CCDC7: variants seen among roughly 807,000 people sequenced by gnomAD.
The protein encoded by CCDC7 is coiled-coil domain-containing protein 7.
CCDC7 carries 183 observed loss-of-function variants against 196.9 expected under a neutral mutation model. That is an observed-to-expected ratio of 0.93 (90% CI 0.82 to 1.05). The LOEUF (loss-of-function observed/expected upper bound fraction) is 1.05. Ranked by LOEUF, CCDC7 falls within the 50% of genes least tolerant of loss-of-function variation. The probability of loss-of-function intolerance (pLI) is 0.00; values close to 1 mark genes in which losing one functional copy is unlikely to be tolerated. For missense variants in CCDC7, 1,540 were observed against 1,482.2 expected, an observed-to-expected ratio of 1.04 and a Z score of -0.64; for synonymous variants, 525 against 484.6, an observed-to-expected ratio of 1.08 and a Z score of -1.10.
chr10:32,729,092 T>G, intron 27 of CCDC7, 95 bp downstream of exon 28: 1 of 922,476 alleles, frequency 1.1e-6, no homozygotes, highest in Admixed American at 2.9e-5. Context: ...CAGACTATAT[T>G]TCATCAACTT....
intron 21 of CCDC7, among the ~76,000 whole-genome samples, chr10:32,671,653 T>C (rs2074080005): frequency 6.6e-6 from 1 of 152,178 alleles, no homozygotes; most frequent in South Asian, 2.1e-4. Context: ...TTTTTCATGT[T>C]TCTTGTTGCT....
chr10:32,492,114 A>G, intron 9 of CCDC7, 117 bp downstream of exon 10: 1 of 984,184 alleles, frequency 1.0e-6, no homozygotes, highest in South Asian at 3.4e-5. Context: ...TGTTTATTGC[A>G]GAAATATTGA....
At chr10:32,706,583 AAAG>A (rs2079802106) in intron 24 of CCDC7, among the ~76,000 whole-genome samples, 1 of 151,778 alleles carries the variant, frequency 6.6e-6, no homozygotes, top group African/African-American at 2.4e-5. Context: ...CAAGACTAAT[AAAG>A]AAGAAAAGAG....
chr10:32,708,728 C>T (rs570668980), intron 24 of CCDC7, among the ~76,000 whole-genome samples: 19 of 152,354 alleles, frequency 1.2e-4, no homozygotes, highest in Middle Eastern at 3.4e-3. Flanking sequence ...AAATGCTCAT[C>T]ATCACTGGCC....
intron 18 of CCDC7, among the ~76,000 whole-genome samples, chr10:32,624,413 G>C (rs890479713): frequency 1.3e-5 from 2 of 152,140 alleles, no homozygotes; most frequent in Non-Finnish European, 2.9e-5. Flanking sequence ...CTACCAAATG[G>C]CATGCTGTTT....
Position 32,726,725 on chromosome 10 carries a change from A to T in CCDC7, c.2570-9A>T. On this transcript the variant is annotated splice_polypyrimidine_tract_variant and intron_variant, in intron 25 of 41. Coordinates refer to ENST00000639629, the Ensembl canonical transcript of CCDC7. ...CTAAATGTATCTCTTTATGTGGTTC[A>T]TTTTGTAGTACCAGATAAAAATTCT... 6.6e-7 allele frequency: 1 copy of T among 1,507,560 alleles called. No individual in the cohort carries two copies. The highest frequency in any genetic ancestry group is 9.2e-7 in the Non-Finnish European group (1 of 1,089,226). 93.4% of individuals were successfully genotyped at this position (1,507,560 alleles called of 1,614,324 possible). A position where few individuals can be genotyped will look rare whatever the true frequency, so the allele number is the denominator to read the frequency against.
chr10:32,726,966 A>G (rs2083221431), intron 26 of CCDC7, 134 bp downstream of exon 27: 3 of 553,292 alleles, frequency 5.4e-6, no homozygotes, highest in Non-Finnish European at 3.1e-6. Context: ...TGAAGTCTTA[A>G]GATAAGTAGA....
intron 14 of CCDC7, 104 bp downstream of exon 15, chr10:32,565,724 A>G: frequency 1.6e-6 from 2 of 1,230,252 alleles, no homozygotes; most frequent in Non-Finnish European, 2.2e-6. Flanking sequence ...AGAGGTCTAC[A>G]TATTCTACTA....
chr10:32,596,963 T>A (rs2138128262), intron 18 of CCDC7, among the ~76,000 whole-genome samples: 1 of 152,310 alleles, frequency 6.6e-6, no homozygotes, highest in East Asian at 1.9e-4. Flanking sequence ...CATTTTTTTG[T>A]TTTTCATTTC....
At chr10:32,598,369 G>T (rs1452425976) in intron 18 of CCDC7, among the ~76,000 whole-genome samples, 1 of 152,180 alleles carries the variant, frequency 6.6e-6, no homozygotes, top group African/African-American at 2.4e-5. Flanking sequence ...CAGTATCAGG[G>T]TGGGAGTGTC....
chr10:32,788,956 G>A lies in CCDC7; in HGVS notation c.3013+9872G>A, dbSNP rs191808548. Among the ~76,000 whole-genome samples, 5 of 152,262 alleles carry A rather than the reference G, an allele frequency of 3.3e-5. No individual in the cohort carries two copies. In the South Asian group the frequency reaches 6.2e-4, roughly 19 times the overall value. The stretch of plus-strand genomic sequence containing the variant: ...TGGACCCAGGCTCTAGGCCCAACCT[G>A]GTAGACTCAGGCACCAGACCCACCT... On this transcript the variant is annotated intron_variant, in intron 29 of 41. Coordinates refer to ENST00000639629, the Ensembl canonical transcript of CCDC7.
intron 24 of CCDC7, among the ~76,000 whole-genome samples, chr10:32,709,473 AAAAT>A (rs1032429576): frequency 2.1e-4 from 32 of 152,266 alleles, no homozygotes; most frequent in South Asian, 1.0e-3. Context: ...GTATAATAAA[AAAAT>A]AAATAAATAA....
At chr10:32,870,555 G>C (rs2094391378) in intron 41 of CCDC7, among the ~76,000 whole-genome samples, 1 of 152,144 alleles carries the variant, frequency 6.6e-6, no homozygotes, top group Non-Finnish European at 1.5e-5. Flanking sequence ...CGGACAATTT[G>C]ACTTCCTCTT....
intron 24 of CCDC7, among the ~76,000 whole-genome samples, chr10:32,711,047 C>T (rs118165631): frequency 0.039 from 5,859 of 151,952 alleles, 116 homozygotes; most frequent in Non-Finnish European, 0.05. Flanking sequence ...TATCATAAAC[C>T]ATATATATTC....
At chr10:32,472,046 T>C (rs2038064105) in intron 6 of CCDC7, among the ~76,000 whole-genome samples, 2 of 152,164 alleles carry the variant, frequency 1.3e-5, no homozygotes, top group Non-Finnish European at 2.9e-5. Flanking sequence ...CTGAAGCCAA[T>C]AGAGGTTAAG....
chr10:32,721,517 G>C (rs1352808354), intron 25 of CCDC7, among the ~76,000 whole-genome samples: 2 of 152,088 alleles, frequency 1.3e-5, no homozygotes, highest in African/African-American at 4.8e-5. Context: ...CAGCCTTACT[G>C]GTAACATAAT....
At chr10:32,698,146 A>T (rs1421140748) in intron 24 of CCDC7, among the ~76,000 whole-genome samples, 1 of 152,140 alleles carries the variant, frequency 6.6e-6, no homozygotes, top group Non-Finnish European at 1.5e-5. Flanking sequence ...ACAGAAAGGA[A>T]TGGCATCAAT....
At chr10:32,458,068 A>G (rs964058221) in intron 3 of CCDC7, among the ~76,000 whole-genome samples, 4 of 152,020 alleles carry the variant, frequency 2.6e-5, no homozygotes, top group Middle Eastern at 3.4e-3. Context: ...TGTGTTGCCT[A>G]TGCTTTTGAG....
At chr10:32,581,925 T>G (rs903708387) in intron 16 of CCDC7, among the ~76,000 whole-genome samples, 5 of 151,814 alleles carry the variant, frequency 3.3e-5, no homozygotes, top group African/African-American at 2.4e-5. Context: ...ATTTTAGAAC[T>G]AATCATCTTA....
Sources: gnomAD v4.1 joint callset for allele counts (sites outside exome capture counted in the v4.1 genomes callset) on GRCh38, gnomAD v4.1.1 for gene constraint, MANE v1.5 for transcripts, NCBI Gene and HGNC (gene_info 2026-07-23, HGNC 2026-07-21) for gene names.